MAP4K4: variants seen among roughly 807,000 people sequenced by gnomAD.
MAP4K4 encodes mitogen-activated protein kinase kinase kinase kinase 4, also known as HPK/GCK-like kinase HGK.
In MAP4K4, 38 loss-of-function variants were observed where a neutral mutation model predicts 189.6. The observed-to-expected ratio is 0.20, with a 90% CI of 0.15 to 0.26. The LOEUF (loss-of-function observed/expected upper bound fraction) is 0.26. Ranked by LOEUF, MAP4K4 falls within the 10% of genes least tolerant of loss-of-function variation. MAP4K4 has a pLI of 1.00. For synonymous variants in MAP4K4, 610 were observed against 624.3 expected, an observed-to-expected ratio of 0.98 and a Z score of 0.34; for missense variants, 1,054 against 1,726.9, an observed-to-expected ratio of 0.61 and a Z score of 6.91.
rs766075241 is a variant in MAP4K4, at chr2:101,698,098, T to G, written c.18T>G (p.Pro6=). The G allele has an allele frequency of 1.4e-5, 19 of 1,320,384 alleles. 1 individual carries two copies. The South Asian group carries it at 2.4e-4, about 16-fold the overall frequency. The allele number at this position is 1,320,384 out of a possible 1,614,324, so 81.8% of individuals were successfully genotyped here. A position where few individuals can be genotyped will look rare whatever the true frequency, so the allele number is the denominator to read the frequency against. The stretch of plus-strand genomic sequence containing the variant: ...AAGGGAAAATGGCGAACGACTCCCC[T>G]GCAAAAAGTCTGGTGGACATCGACC... Residue 6 remains proline (P), a synonymous_variant, in exon 1 of 33, where the codon CCT becomes CCG. Coordinates refer to ENST00000324219, the Ensembl canonical transcript of MAP4K4.
chr2:101,767,750 C>G (rs2079269567), intron 2 of MAP4K4, among the ~76,000 whole-genome samples: 1 of 152,150 alleles, frequency 6.6e-6, no homozygotes, highest in Admixed American at 6.5e-5. Flanking sequence ...TAACTGACAC[C>G]CAAGTGGAGT....
intron 3 of MAP4K4, among the ~76,000 whole-genome samples, chr2:101,797,889 G>GTGTTTTC (rs1553478618): frequency 1.9e-5 from 1 of 52,304 alleles, no homozygotes; most frequent in Non-Finnish European, 3.3e-5. Flanking sequence ...CATTCTTTTA[G>GTGTTTTC]TTTTTTTTTT....
intron 3 of MAP4K4, among the ~76,000 whole-genome samples, chr2:101,823,565 T>C (rs1350699979): frequency 1.3e-5 from 2 of 152,220 alleles, no homozygotes; most frequent in Non-Finnish European, 2.9e-5. Context: ...GTTCAAATAG[T>C]ATCAGTCATT....
chr2:101,714,470 C>T (rs1395123360), intron 2 of MAP4K4, among the ~76,000 whole-genome samples: 1 of 151,974 alleles, frequency 6.6e-6, no homozygotes, highest in East Asian at 1.9e-4. Context: ...GCTAGAAGAC[C>T]CCTCCCTACA....
At chr2:101,809,434 A>T (rs1316032233) in intron 3 of MAP4K4, among the ~76,000 whole-genome samples, 1 of 152,056 alleles carries the variant, frequency 6.6e-6, no homozygotes, top group Admixed American at 6.6e-5. Context: ...TTTAATCGAT[A>T]TATTTTCCCT....
exon 13 of MAP4K4, chr2:101,856,037 CAAG>C: frequency 6.4e-7 from 1 of 1,551,462 alleles, no homozygotes; most frequent in Middle Eastern, 1.7e-4. Flanking sequence ...AAGGAGAGAA[CAAG>C]AAGAAAAGAG....
intron 9 of MAP4K4, among the ~76,000 whole-genome samples, chr2:101,837,541 C>A (rs1320370291): frequency 6.6e-6 from 1 of 152,106 alleles, no homozygotes; most frequent in African/African-American, 2.4e-5. Context: ...CCCAGTCAGT[C>A]TTCTGTATTA....
chr2:101,705,858 C>T (rs567812173), intron 2 of MAP4K4, among the ~76,000 whole-genome samples: 1 of 152,268 alleles, frequency 6.6e-6, no homozygotes, highest in African/African-American at 2.4e-5. Context: ...GGTTCTCCCA[C>T]CCTTTGAACA....
chr2:101,717,904 A>G (rs1468540138), intron 2 of MAP4K4, among the ~76,000 whole-genome samples: 1 of 152,100 alleles, frequency 6.6e-6, no homozygotes, highest in Non-Finnish European at 1.5e-5. Context: ...GATTAAGCAT[A>G]TAGTTGAATT....
intron 4 of MAP4K4, 49 bp from the exon 5 acceptor site, chr2:101,825,270 C>T (rs758046114): frequency 3.2e-6 from 4 of 1,234,272 alleles, no homozygotes; most frequent in East Asian, 2.4e-5. Context: ...CTGGTTTTCC[C>T]AATTTCTCCA....
At chr2:101,747,153 C>T (rs2066043881) in intron 2 of MAP4K4, among the ~76,000 whole-genome samples, 1 of 152,078 alleles carries the variant, frequency 6.6e-6, no homozygotes, top group African/African-American at 2.4e-5. Context: ...GAGTCTCACT[C>T]TGTTGCCCAG....
chr2:101,698,309 G>A (rs2149087594), intron 1 of MAP4K4, among the ~76,000 whole-genome samples, 164 bp from the exon 2 acceptor site: 1 of 150,714 alleles, frequency 6.6e-6, no homozygotes, highest in South Asian at 2.1e-4. Flanking sequence ...ACCCTCTACC[G>A]CCCCCACGCC....
chr2:101,795,420 G>A (rs1480818733), intron 3 of MAP4K4, among the ~76,000 whole-genome samples: 2 of 152,188 alleles, frequency 1.3e-5, no homozygotes, highest in Non-Finnish European at 2.9e-5. Flanking sequence ...CTGTGGACAT[G>A]AGTGGTTTCC....
At chr2:101,750,544 A>G (rs2068307632) in intron 2 of MAP4K4, among the ~76,000 whole-genome samples, 1 of 149,574 alleles carries the variant, frequency 6.7e-6, no homozygotes, top group South Asian at 2.2e-4. Flanking sequence ...TAGCATTGGG[A>G]GATATACCTA....
At chr2:101,858,964 A>G in intron 13 of MAP4K4, 32 bp from the exon 14 acceptor site, 1 of 1,541,482 alleles carries the variant, frequency 6.5e-7, no homozygotes, top group Admixed American at 1.7e-5. Context: ...TCTTTGGGAT[A>G]ATTTGATTGC....
At chr2:101,724,912 C>G (rs2054367953) in intron 2 of MAP4K4, among the ~76,000 whole-genome samples, 1 of 152,086 alleles carries the variant, frequency 6.6e-6, no homozygotes, top group Non-Finnish European at 1.5e-5. Context: ...GTTTTTTACT[C>G]TATGTTTTCT....
intron 2 of MAP4K4, among the ~76,000 whole-genome samples, chr2:101,702,856 A>T (rs2039778243): frequency 6.6e-6 from 1 of 152,182 alleles, no homozygotes; most frequent in Non-Finnish European, 1.5e-5. Context: ...AGCTAACGCT[A>T]AGAGTTTGCT....
intron 2 of MAP4K4, among the ~76,000 whole-genome samples, chr2:101,780,505 G>A (rs1359464706): frequency 3.9e-5 from 6 of 152,168 alleles, no homozygotes; most frequent in African/African-American, 7.2e-5. Context: ...CTTTTGTTCT[G>A]GATAAATGCT....
intron 12 of MAP4K4, among the ~76,000 whole-genome samples, 196 bp downstream of exon 12, chr2:101,844,507 A>G (rs2097027942): frequency 6.6e-6 from 1 of 152,174 alleles, no homozygotes. Flanking sequence ...GGCCTTAGAA[A>G]TGTTTTCCTT....
Sources: gnomAD v4.1 joint callset for allele counts (sites outside exome capture counted in the v4.1 genomes callset) on GRCh38, gnomAD v4.1.1 for gene constraint, MANE v1.5 for transcripts, NCBI Gene and HGNC (gene_info 2026-07-23, HGNC 2026-07-21) for gene names.